RGS17: variants seen among roughly 807,000 people sequenced by gnomAD.
The protein encoded by RGS17 is regulator of G protein signaling 17, also known as regulator of G-protein signaling 17.
RGS17 carries 12 observed loss-of-function variants against 25.5 expected under a neutral mutation model. The ratio of observed to expected loss-of-function variants is 0.47; its 90% CI spans 0.30 to 0.76. The LOEUF (loss-of-function observed/expected upper bound fraction) is 0.76. Among genes scored for constraint, RGS17 ranks in the 30% least tolerant of loss-of-function variants. The pLI is 0.07. For synonymous variants in RGS17, 71 were observed against 76.9 expected, an observed-to-expected ratio of 0.92 and a Z score of 0.40; for missense variants, 196 against 242.2, an observed-to-expected ratio of 0.81 and a Z score of 1.27.
intron 1 of RGS17, among the ~76,000 whole-genome samples, chr6:153,094,250 AT>A (rs891353086): frequency 2.0e-5 from 3 of 150,944 alleles, no homozygotes; most frequent in African/African-American, 4.9e-5. Flanking sequence ...TAATTTTTGT[AT>A]TTTTTTTAGC....
rs563554486 is a variant in RGS17 at position 153,120,128 on chromosome 6, G to GT, written c.-26+10995dup. 9.2e-5 allele frequency among the ~76,000 whole-genome samples: 14 copies of GT among 152,302 alleles called. No individual in the cohort carries two copies. The South Asian group carries it at 1.7e-3, about 18-fold the overall frequency. On this transcript the variant is annotated intron_variant, in intron 1 of 4. Coordinates refer to ENST00000206262, the MANE Select transcript of RGS17 (RefSeq NM_012419.5). Reference sequence around the variant, plus strand: ...GTGACTTGGATATGCAGAATAGAACGTAACGATTGCCAACTTCATTCTGGA... The same window carrying GT: ...GTGACTTGGATATGCAGAATAGAACGTTAACGATTGCCAACTTCATTCTGGA...
Position 153,052,770 on chromosome 6 carries a change from C to CTGAA in RGS17, c.-25-8731_-25-8728dup, listed in dbSNP as rs1173676402. Among the ~76,000 whole-genome samples, 4 of 152,222 alleles carry CTGAA rather than the reference C, an allele frequency of 2.6e-5. No homozygotes were observed. In the East Asian group the frequency reaches 7.8e-4, roughly 30 times the overall value. Reference sequence around the variant, plus strand: ...AGGGCCAGGAGCAGAATGTTAAATACTGAATGTGTGTGTCCTCCTCAAACA... The same window carrying CTGAA: ...AGGGCCAGGAGCAGAATGTTAAATACTGAATGAATGTGTGTGTCCTCCTCAAACA... On this transcript the variant is annotated intron_variant, in intron 1 of 4. Transcript: ENST00000206262.
In RGS17 at chr6:153,006,796, G is replaced by A. The variant is rs1401621425; in HGVS notation, c.*4778C>T. On this transcript the variant is annotated 3_prime_UTR_variant, in exon 5 of 5. Transcript: ENST00000206262. ...TAATTACGTATTTTATTTGTCATTTGCAGATGAGGAAATGAACTCAGAGAA... is the reference window on the plus strand; with the variant it reads ...TAATTACGTATTTTATTTGTCATTTACAGATGAGGAAATGAACTCAGAGAA... 1 of 152,184 alleles carries A rather than the reference G, an allele frequency of 6.6e-6. No homozygotes were observed. Among genetic ancestry groups the A allele is most frequent in the African/African-American group, 2.4e-5 (1 of 41,522 alleles). The allele number at this position is 152,184 out of a possible 1,614,324, so 9.4% of individuals were successfully genotyped here.
intron 1 of RGS17, among the ~76,000 whole-genome samples, chr6:153,087,490 TAAAGA>T (rs1003823062): frequency 2.0e-5 from 3 of 152,132 alleles, no homozygotes; most frequent in Non-Finnish European, 4.4e-5. Flanking sequence ...TATCCCAAAG[TAAAGA>T]AAAGATAACT....
intron 1 of RGS17, among the ~76,000 whole-genome samples, chr6:153,105,178 G>A (rs973816024): frequency 1.3e-5 from 2 of 152,134 alleles, no homozygotes; most frequent in Non-Finnish European, 1.5e-5. Flanking sequence ...TCAGAACCCA[G>A]TCAGGTTCAA....
chr6:153,111,643 C>T (rs1193549152), intron 1 of RGS17, among the ~76,000 whole-genome samples: 2 of 152,224 alleles, frequency 1.3e-5, no homozygotes, highest in Non-Finnish European at 2.9e-5. Context: ...TGCCTCCTGA[C>T]TGGGAGACAC....
chr6:153,023,790 T>G (rs1325126576), intron 4 of RGS17, among the ~76,000 whole-genome samples: 1 of 152,166 alleles, frequency 6.6e-6, no homozygotes, highest in Non-Finnish European at 1.5e-5. Flanking sequence ...CCAACTAGTA[T>G]GTATGTGGAA....
chr6:153,102,260 G>GT (rs2129123650), intron 1 of RGS17, among the ~76,000 whole-genome samples: 1 of 152,134 alleles, frequency 6.6e-6, no homozygotes, highest in East Asian at 1.9e-4. Context: ...TTCTCTAGGG[G>GT]TAAAACAGGC....
chr6:153,125,001 T>G (rs1484773412), intron 1 of RGS17, among the ~76,000 whole-genome samples: 2 of 152,168 alleles, frequency 1.3e-5, no homozygotes, highest in African/African-American at 4.8e-5. Context: ...AAGTGACAAC[T>G]TTCACAAGAG....
At chr6:153,035,553 A>G (rs1292833) in intron 2 of RGS17, among the ~76,000 whole-genome samples, 77,347 of 151,934 alleles carry the variant, frequency 0.51, 20,038 homozygotes, top group East Asian at 0.75. Flanking sequence ...TACTTAATTT[A>G]ATCAGGTGTA....
chr6:153,093,402 G>A (rs1777160118), intron 1 of RGS17, among the ~76,000 whole-genome samples: 1 of 152,168 alleles, frequency 6.6e-6, no homozygotes, highest in African/African-American at 2.4e-5. Context: ...CTTTTTGTAA[G>A]TCAATGCAAT....
In RGS17 at chr6:153,085,722, T is replaced by C. The variant is rs376745233; in HGVS notation, c.-25-41679A>G. On this transcript the variant is annotated intron_variant, in intron 1 of 4. Coordinates refer to ENST00000206262, the MANE Select transcript of RGS17 (RefSeq NM_012419.5). ...GATGAATGGCATTAATAAATATTAC[T>C]GAAGTTTCATAGCTACATTTCCTTC... is the stretch of plus-strand genomic sequence containing the variant. Among the ~76,000 whole-genome samples, 17 of 152,350 alleles carry C rather than the reference T, an allele frequency of 1.1e-4. No individual in the cohort carries two copies. In the South Asian group the frequency reaches 2.9e-3, roughly 26 times the overall value.
In RGS17 at chr6:153,130,439, G is replaced by A. The variant is rs527496826; in HGVS notation, c.-26+685C>T. ...CCCTTTCCTTTGACTAAGGGGAGGG[G>A]AAGGAACAAAAGAGACCCCCCACCC... On this transcript the variant is annotated intron_variant, in intron 1 of 4. Coordinates refer to ENST00000206262, the MANE Select transcript of RGS17 (RefSeq NM_012419.5). This position sits in a 1 kb window ranked among gnomAD's most constrained non-coding sequence, Gnocchi z 6.4. 5.9e-5 allele frequency among the ~76,000 whole-genome samples: 9 copies of A among 151,468 alleles called. No homozygotes were observed. In the East Asian group the frequency reaches 1.6e-3, roughly 26 times the overall value.
rs76071300 is a variant in RGS17, at chr6:153,087,545, T to C, written c.-25-43502A>G. Among the ~76,000 whole-genome samples the C allele has an allele frequency of 3.8e-3, 577 of 152,340 alleles. 6 individuals are homozygous for C. Among genetic ancestry groups the C allele is most frequent in the African/African-American group, 0.013 (533 of 41,584 alleles). Reference sequence around the variant, plus strand: ...AGCCATGGAAAATCATTTCTAGGCTTTGCAATCTAATGAAGAACTTTCAAC... The same window carrying C: ...AGCCATGGAAAATCATTTCTAGGCTCTGCAATCTAATGAAGAACTTTCAAC... On this transcript the variant is annotated intron_variant, in intron 1 of 4. Transcript: ENST00000206262.
rs34700376 is a variant in RGS17, at chr6:153,058,898, ATT to A, written c.-25-14857_-25-14856del. 1.6e-3 allele frequency among the ~76,000 whole-genome samples: 232 copies of A among 147,110 alleles called. 1 individual carries two copies. The highest frequency in any genetic ancestry group is 7.5e-3 in the South Asian group (35 of 4,660). ...CCTGGAAGGGTATACTCGTTAGCGC[ATT>A]TTTTTTTTTTCAAAATCGCCATTTT... On this transcript the variant is annotated intron_variant, in intron 1 of 4. Transcript: ENST00000206262.
At chr6:153,121,064 T>G (rs986054029) in intron 1 of RGS17, among the ~76,000 whole-genome samples, 3 of 140,474 alleles carry the variant, frequency 2.1e-5, no homozygotes, top group Non-Finnish European at 3.0e-5. Context: ...CTTGTTCATG[T>G]TTTTTTTTTT....
intron 1 of RGS17, among the ~76,000 whole-genome samples, chr6:153,118,590 G>A (rs1032364428): frequency 6.6e-6 from 1 of 151,984 alleles, no homozygotes; most frequent in African/African-American, 2.4e-5. Flanking sequence ...TCTTACCCAG[G>A]TTTTGTGGTA....
At chr6:153,114,801 T>TCA (rs1562338143) in intron 1 of RGS17, among the ~76,000 whole-genome samples, 1 of 152,112 alleles carries the variant, frequency 6.6e-6, no homozygotes, top group African/African-American at 2.4e-5. Context: ...ATGCAATCCA[T>TCA]CACATAAACA....
chr6:153,053,803 G>C (rs1378021855), intron 1 of RGS17, among the ~76,000 whole-genome samples: 1 of 148,732 alleles, frequency 6.7e-6, no homozygotes, highest in African/African-American at 2.5e-5. Context: ...AAAAAGAAAA[G>C]AAAAAAGAAA....
Sources: gnomAD v4.1 joint callset for allele counts (sites outside exome capture counted in the v4.1 genomes callset) on GRCh38, gnomAD v4.1.1 for gene constraint, Gnocchi (gnomAD v3.1) non-coding constraint, MANE v1.5 for transcripts, NCBI Gene and HGNC (gene_info 2026-07-23, HGNC 2026-07-21) for gene names.